The following STOX2 variants were observed in gnomAD, a reference collection of about 807,000 sequenced individuals.
STOX2 encodes the protein storkhead-box protein 2.
A neutral mutation model predicts 60.9 loss-of-function variants in STOX2; 28 were observed. The observed-to-expected ratio is 0.46, with a 90% CI of 0.34 to 0.63. STOX2 has a LOEUF of 0.63. Among genes scored for constraint, STOX2 ranks in the 30% least tolerant of loss-of-function variants. The probability of loss-of-function intolerance (pLI) is 0.01; values close to 1 mark genes in which losing one functional copy is unlikely to be tolerated. For missense variants in STOX2, 1,024 were observed against 1,187.7 expected, an observed-to-expected ratio of 0.86 and a Z score of 2.03; for synonymous variants, 472 against 463.9, an observed-to-expected ratio of 1.02 and a Z score of -0.22.
intron 2 of STOX2, among the ~76,000 whole-genome samples, chr4:184,006,502 G>C: frequency 6.6e-6 from 1 of 151,772 alleles, no homozygotes; most frequent in East Asian, 1.9e-4. Context: ...TTGAGCCCAG[G>C]AGTTCGAGAC....
At chr4:183,833,121 C>CAT (rs770963568) in intron 1 of STOX2, among the ~76,000 whole-genome samples, 1 of 152,214 alleles carries the variant, frequency 6.6e-6, no homozygotes, top group Non-Finnish European at 1.5e-5. Flanking sequence ...AACATTGATA[C>CAT]ACTCAGTTCT....
chr4:183,925,527 T>C (rs929830141), intron 1 of STOX2, among the ~76,000 whole-genome samples: 10 of 152,082 alleles, frequency 6.6e-5, no homozygotes, highest in African/African-American at 2.4e-4. Context: ...ATAATTCCAG[T>C]TGGAGTCTAT....
chr4:183,870,418 G>A (rs945664449), intron 1 of STOX2, among the ~76,000 whole-genome samples: 1 of 152,188 alleles, frequency 6.6e-6, no homozygotes, highest in African/African-American at 2.4e-5. Flanking sequence ...TTAACTACCA[G>A]TAGTATATTA....
At chr4:183,916,903 A>T (rs1393677959) in intron 1 of STOX2, among the ~76,000 whole-genome samples, 2 of 152,146 alleles carry the variant, frequency 1.3e-5, no homozygotes, top group African/African-American at 4.8e-5. Context: ...TTTAGAACTT[A>T]GTTCCTTGAG....
At chr4:183,884,919 A>G (rs1213276613) in intron 1 of STOX2, among the ~76,000 whole-genome samples, 1 of 152,222 alleles carries the variant, frequency 6.6e-6, no homozygotes, top group African/African-American at 2.4e-5. Flanking sequence ...GAATGAGCCA[A>G]CTGGGAGAAA....
intron 1 of STOX2, among the ~76,000 whole-genome samples, chr4:183,860,052 T>G (rs933701678): frequency 6.6e-6 from 1 of 152,048 alleles, no homozygotes; most frequent in East Asian, 1.9e-4. Flanking sequence ...TATATAATTC[T>G]GCAATTAAAT....
intron 1 of STOX2, among the ~76,000 whole-genome samples, chr4:183,892,076 T>C (rs1741229424): frequency 6.6e-6 from 1 of 152,338 alleles, no homozygotes; most frequent in East Asian, 1.9e-4. Context: ...GTTTAACCCC[T>C]GAGCTATACT....
intron 1 of STOX2, among the ~76,000 whole-genome samples, chr4:183,918,424 A>G (rs1741993215): frequency 6.6e-6 from 1 of 152,234 alleles, no homozygotes; most frequent in South Asian, 2.1e-4. Flanking sequence ...ATAATCAGAC[A>G]TAGCTTACTC....
At chr4:183,811,928 ATTTTTT>A (rs529589265) in intron 1 of STOX2, among the ~76,000 whole-genome samples, 33,292 of 129,560 alleles carry the variant, frequency 0.26, 3,654 homozygotes, top group African/African-American at 0.35. Flanking sequence ...GAAAGCCTGG[ATTTTTT>A]TTTTTTTTTT....
chr4:183,930,020 C>T (rs1316808985), intron 1 of STOX2, among the ~76,000 whole-genome samples: 1 of 151,798 alleles, frequency 6.6e-6, no homozygotes, highest in Non-Finnish European at 1.5e-5. Context: ...CCCCTCACCA[C>T]GCCTGGCTAA....
chr4:183,934,610 C>T (rs188717184), intron 1 of STOX2, among the ~76,000 whole-genome samples: 1 of 152,288 alleles, frequency 6.6e-6, no homozygotes, highest in Admixed American at 6.5e-5. Flanking sequence ...TTTCACTCAA[C>T]AATTCCTTGA....
chr4:183,960,743 C>T (rs1743388350), intron 1 of STOX2, among the ~76,000 whole-genome samples: 1 of 152,072 alleles, frequency 6.6e-6, no homozygotes, highest in Non-Finnish European at 1.5e-5. Flanking sequence ...TTTGCTTGGT[C>T]AGGAGGTTTA....
At chr4:183,893,086 A>G (rs1479770450) in intron 1 of STOX2, among the ~76,000 whole-genome samples, 1 of 148,670 alleles carries the variant, frequency 6.7e-6, no homozygotes, top group Non-Finnish European at 1.5e-5. Context: ...AATGTGTCCC[A>G]CCGTATCTCT....
intron 1 of STOX2, among the ~76,000 whole-genome samples, chr4:183,908,104 C>A (rs200176277): frequency 6.6e-6 from 1 of 152,164 alleles, no homozygotes; most frequent in Non-Finnish European, 1.5e-5. Context: ...AAATGCCTTG[C>A]GACCGCATTT....
chr4:183,852,459 A>G (rs1579335510), intron 1 of STOX2, among the ~76,000 whole-genome samples: 1 of 48,626 alleles, frequency 2.1e-5, no homozygotes, highest in African/African-American at 9.2e-5. Flanking sequence ...GAGAGAAACG[A>G]TGAGGGAAAG....
intron 1 of STOX2, among the ~76,000 whole-genome samples, chr4:183,929,689 C>CA (rs1303933862): frequency 1.3e-5 from 2 of 151,718 alleles, no homozygotes; most frequent in Non-Finnish European, 2.9e-5. Flanking sequence ...CACATAAAAC[C>CA]AAAAAAAGGA....
chr4:183,977,546 C>CGTGT lies in STOX2; in HGVS notation c.167-23764_167-23761dup, dbSNP rs56043761. 6.1e-5 allele frequency among the ~76,000 whole-genome samples: 9 copies of CGTGT among 147,904 alleles called. 1 individual carries two copies. Among genetic ancestry groups the CGTGT allele is most frequent in the Non-Finnish European group, 1.3e-4 (9 of 66,870 alleles). ...TTTATGGCTGAGTAGCATTCCATTT[C>CGTGT]GTGTGTGTGTGTGTGTGTATCACAT... On this transcript the variant is annotated intron_variant, in intron 1 of 3. Transcript: ENST00000308497.
At chr4:183,867,325 G>T (rs1412707319) in intron 1 of STOX2, among the ~76,000 whole-genome samples, 4 of 152,198 alleles carry the variant, frequency 2.6e-5, no homozygotes, top group Non-Finnish European at 5.9e-5. Flanking sequence ...TTGCCCAGAG[G>T]ATAAACAGAG....
At chr4:183,948,553 T>TTTTTC (rs1742972710) in intron 1 of STOX2, among the ~76,000 whole-genome samples, 1 of 140,484 alleles carries the variant, frequency 7.1e-6, no homozygotes, top group Non-Finnish European at 1.5e-5. Flanking sequence ...TTTTTTTTTT[T>TTTTTC]TTTTTTTTTG....
Sources: allele counts gnomAD v4.1 joint callset (sites outside exome capture counted in the v4.1 genomes callset), GRCh38; gene constraint gnomAD v4.1.1; transcripts MANE v1.5; gene names NCBI Gene and HGNC (gene_info 2026-07-23, HGNC 2026-07-21).